KMT2A: variants seen among roughly 807,000 people sequenced by gnomAD.
The protein encoded by KMT2A is lysine methyltransferase 2A.
A neutral mutation model predicts 345.3 loss-of-function variants in KMT2A; 16 were observed. The ratio of observed to expected loss-of-function variants is 0.05; its 90% confidence interval spans 0.03 to 0.07. The LOEUF (loss-of-function observed/expected upper bound fraction) is 0.07, where lower values mean the gene tolerates loss of function less well. KMT2A is among the 10% of genes least tolerant of loss of function. The probability of loss-of-function intolerance (pLI) is 1.00; values close to 1 mark genes in which losing one functional copy is unlikely to be tolerated. For missense variants in KMT2A, 3,272 were observed against 4,841.6 expected, an observed-to-expected ratio of 0.68 and a Z score of 9.62; for synonymous variants, 1,599 against 1,778.6, an observed-to-expected ratio of 0.90 and a Z score of 2.54.
At chr11:118,501,935 T>C (rs1316804655) in intron 26 of KMT2A, 78 bp downstream of exon 26, 2 of 1,223,924 alleles carry the variant, frequency 1.6e-6, no homozygotes, top group Admixed American at 2.1e-5. Flanking sequence ...GGCAACTTTA[T>C]CTTGGTGACT....
At position 118,503,373 on chromosome 11, in the gene KMT2A, G is replaced by A. The variant is rs1169599580; in HGVS notation, c.7481G>A (p.Gly2494Asp). 17 of 1,613,944 alleles carry A rather than the reference G, an allele frequency of 1.1e-5. No homozygotes were observed. Among genetic ancestry groups the A allele is most frequent in the Non-Finnish European group, 1.3e-5 (15 of 1,180,008 alleles). The change falls in exon 27 of 36, where the codon GGC becomes GAC. Residue 2494 changes from glycine to aspartate, a missense_variant. Gly to Asp is a moderately conservative substitution (Grantham distance 94). Transcript: ENST00000534358. This position sits in a 1 kb window ranked among gnomAD's most constrained non-coding sequence, Gnocchi z 5.3. ...NVSSDKIGDK[G>D]LSMPGVPKAP... Reference sequence around the variant, plus strand: ...TCTTCTGATAAGATTGGTGATAAAGGCCTTTCTATGCCAGGAGTCCCCAAA... The same window carrying A: ...TCTTCTGATAAGATTGGTGATAAAGACCTTTCTATGCCAGGAGTCCCCAAA...
rs1950377357 is a variant in KMT2A, at chr11:118,494,747, G to A, written c.5343G>A (p.Glu1781=). Residue 1781 remains glutamate (E), a synonymous_variant, in exon 18 of 36, where the codon GAG becomes GAA. Coordinates refer to ENST00000534358, the MANE Select transcript of KMT2A (RefSeq NM_001197104.2). This position sits in a 1 kb window ranked among gnomAD's most constrained non-coding sequence, Gnocchi z 5.8. The part of the protein sequence containing the change: ...WFSVKKSRFW[E]PNKVSSNSGM... ...GTGTCAAAAAGTCCAGGTTTTGGGA[G>A]CCAAATAAAGTATCAAGCAAGTAAG... 1.2e-6 allele frequency: 2 copies of A among 1,613,778 alleles called. No homozygotes were observed. The highest frequency in any genetic ancestry group is 1.7e-6 in the Non-Finnish European group (2 of 1,179,740).
rs1385689425 is a variant in KMT2A at position 118,505,732 on chromosome 11, A to G, written c.9840A>G (p.Ser3280=). ...TAGATTTGGGGTCACTTAATACTTC[A>G]TCTCACCGAACTGTCCCCAACATCA... ...SLLDLGSLNT[S]SHRTVPNIIK... The change falls in exon 27 of 36, where the codon TCA becomes TCG. Residue 3280 remains serine (S), a synonymous_variant. Transcript: ENST00000534358. The surrounding 1 kb of genome is among the most constrained non-coding windows in gnomAD (Gnocchi z 4.6). The G allele has an allele frequency of 6.8e-6, 11 of 1,613,988 alleles. No homozygotes were observed. The Admixed American group carries it at 1.3e-4, about 20-fold the overall frequency.
At chr11:118,438,171 A>G (rs2134161004) in intron 1 of KMT2A, among the ~76,000 whole-genome samples, 1 of 152,108 alleles carries the variant, frequency 6.6e-6, no homozygotes, top group Non-Finnish European at 1.5e-5. Context: ...GATGGGAGAA[A>G]AAGGATTATC....
rs1950377570 is a variant in KMT2A, at chr11:118,494,754, A to C, written c.5350A>C (p.Lys1784Gln). Residue 1784 changes from lysine (K) to glutamine (Q), a missense_variant, in exon 18 of 36, where the codon AAA becomes CAA. This residue lies in a region of KMT2A where 235 missense variants were observed against 503.4 expected (regional missense o/e 0.47). Coordinates refer to ENST00000534358, the MANE Select transcript of KMT2A (RefSeq NM_001197104.2). This position sits in a 1 kb window ranked among gnomAD's most constrained non-coding sequence, Gnocchi z 5.8. Reference sequence around the variant, plus strand: ...AAAGTCCAGGTTTTGGGAGCCAAATAAAGTATCAAGCAAGTAAGTGAATTT... The same window carrying C: ...AAAGTCCAGGTTTTGGGAGCCAAATCAAGTATCAAGCAAGTAAGTGAATTT... The part of the protein sequence containing the change: ...VKKSRFWEPN[K>Q]VSSNSGMLPN... The C allele has an allele frequency of 6.2e-7, 1 of 1,613,612 alleles. No individual in the cohort carries two copies. Among genetic ancestry groups the C allele is most frequent in the Non-Finnish European group, 8.5e-7 (1 of 1,179,656 alleles).
chr11:118,448,250 T>TGTC (rs1383378469), intron 1 of KMT2A: 1 of 152,264 alleles, frequency 6.6e-6, no homozygotes, highest in Non-Finnish European at 1.5e-5. Flanking sequence ...GTAGCTTTTA[T>TGTC]GTCCATTTTC....
Position 118,455,127 on chromosome 11 carries a change from A to G in KMT2A, c.433-13648A>G, listed in dbSNP as rs565689196. 2.8e-3 allele frequency among the ~76,000 whole-genome samples: 424 copies of G among 152,238 alleles called. 2 individuals carry two copies. The highest frequency in any genetic ancestry group is 4.7e-3 in the Non-Finnish European group (318 of 68,006). On this transcript the variant is annotated intron_variant, in intron 1 of 35. Coordinates refer to ENST00000534358, the MANE Select transcript of KMT2A (RefSeq NM_001197104.2). Reference sequence around the variant, plus strand: ...TGCAGCCTCAAACTCTTGGGCTCACATGAACCTCCTGCCTCAGCCTTCCTG... The same window carrying G: ...TGCAGCCTCAAACTCTTGGGCTCACGTGAACCTCCTGCCTCAGCCTTCCTG...
chr11:118,521,052 G>A lies in KMT2A; in HGVS notation c.11513+167G>A. 1.5e-6 allele frequency: 1 copy of A among 655,376 alleles called. No individual in the cohort carries two copies. The highest frequency in any genetic ancestry group is 3.6e-4 in the Middle Eastern group (1 of 2,780). 40.6% of individuals were successfully genotyped at this position (655,376 alleles called of 1,614,324 possible). On this transcript the variant is annotated intron_variant, in intron 34 of 35. Coordinates refer to ENST00000534358, the MANE Select transcript of KMT2A (RefSeq NM_001197104.2). The surrounding 1 kb of genome is among the most constrained non-coding windows in gnomAD (Gnocchi z 5.3). ...TCCTGCACCTCCTTGTGTTGAACAA[G>A]GACTTTAACATAATAAGCATTAAAA...
intron 30 of KMT2A, among the ~76,000 whole-genome samples, chr11:118,511,326 A>C (rs1004214647): frequency 6.6e-6 from 1 of 152,206 alleles, no homozygotes; most frequent in Admixed American, 6.5e-5. Context: ...AGATGACCCT[A>C]AAGATTCAGG....
In KMT2A at chr11:118,490,046, A is replaced by T; in HGVS notation, c.4576-83A>T. 6.8e-7 allele frequency: 1 copy of T among 1,469,440 alleles called. No homozygotes were observed. The highest frequency in any genetic ancestry group is 9.3e-7 in the Non-Finnish European group (1 of 1,078,702). The allele number at this position is 1,469,440 out of a possible 1,614,324, so 91.0% of individuals were successfully genotyped here. On this transcript the variant is annotated intron_variant, in intron 12 of 35. Coordinates refer to ENST00000534358, the MANE Select transcript of KMT2A (RefSeq NM_001197104.2). This position sits in a 1 kb window ranked among gnomAD's most constrained non-coding sequence, Gnocchi z 4.2. Reference sequence around the variant, plus strand: ...CTCAGCAGAGAAATTAAATCTATAAATGGATGCATTTAAGATCTTTTTAGT... The same window carrying T: ...CTCAGCAGAGAAATTAAATCTATAATTGGATGCATTTAAGATCTTTTTAGT...
At chr11:118,446,906 A>G (rs1949433383) in intron 1 of KMT2A, among the ~76,000 whole-genome samples, 2 of 152,226 alleles carry the variant, frequency 1.3e-5, no homozygotes, top group South Asian at 2.1e-4. Flanking sequence ...TGTCTCCTGA[A>G]TGTACATCGT....
In KMT2A at chr11:118,472,496, C is replaced by T. The variant is rs1378747097; in HGVS notation, c.1337C>T (p.Thr446Ile). ...PPIKIARLES[T>I]PNSRFSAPSC... ...ATTAAAATTGCCCGATTAGAGTCTACACCGAATAGTAGATTCAGTGCCCCG... is the reference window on the plus strand; with the variant it reads ...ATTAAAATTGCCCGATTAGAGTCTATACCGAATAGTAGATTCAGTGCCCCG... Residue 446 changes from threonine to isoleucine, a missense_variant, in exon 3 of 36, where the codon ACA (threonine) becomes ATA (isoleucine). Thr to Ile is a moderately conservative substitution (Grantham distance 89, BLOSUM62 -1). Transcript: ENST00000534358. The T allele has an allele frequency of 7.4e-6, 12 of 1,613,474 alleles. No individual in the cohort carries two copies. The highest frequency in any genetic ancestry group is 4.0e-5 in the African/African-American group (3 of 74,690).
In KMT2A at chr11:118,471,674, C is replaced by G. The variant is rs2134257091; in HGVS notation, c.515C>G (p.Pro172Arg). Residue 172 changes from proline to arginine, a missense_variant, in exon 3 of 36, where the codon CCT becomes CGT. Pro to Arg is a moderately radical substitution (Grantham distance 103). This residue lies in a region of KMT2A where 412 missense variants were observed against 511.0 expected (regional missense o/e 0.81). Transcript: ENST00000534358. ...TTTCTATACACAGTTAAAACTAGTC[C>G]TCGAAAACCTCGTGGGAGACCTAGA... Reference protein sequence around the residue: ...PTRSPSVKTSPRKPRGRPRSG... With the variant: ...PTRSPSVKTSRRKPRGRPRSG... 2 of 1,581,380 alleles carry G rather than the reference C, an allele frequency of 1.3e-6. No individual in the cohort carries two copies. The highest frequency in any genetic ancestry group is 1.7e-6 in the Non-Finnish European group (2 of 1,169,898).
chr11:118,447,702 G>A (rs1949450628), intron 1 of KMT2A: 1 of 448,668 alleles, frequency 2.2e-6, no homozygotes, highest in African/African-American at 2.0e-5. Context: ...ATGATTGGAA[G>A]TCAGTCCTAT....
chr11:118,512,338 T>C (rs536038552), intron 31 of KMT2A: 1 of 366,252 alleles, frequency 2.7e-6, no homozygotes, highest in African/African-American at 2.1e-5. Context: ...TCTGTCTCTA[T>C]GTATTTGATT....
At position 118,476,896 on chromosome 11, in the gene KMT2A, G is replaced by A. The variant is rs2134282557; in HGVS notation, c.3248G>A (p.Arg1083Gln). Residue 1083 changes from arginine to glutamine, a missense_variant, in exon 4 of 36, where the codon CGA becomes CAA. By Grantham distance (43) the Arg-to-Gln change is conservative (BLOSUM62 1). Coordinates refer to ENST00000534358, the MANE Select transcript of KMT2A (RefSeq NM_001197104.2). The surrounding 1 kb of genome is among the most constrained non-coding windows in gnomAD (Gnocchi z 4.1). ...RRAAVALGRK[R>Q]AVFPDDMPTL... ...GCAGCTGTTGCCCTTGGCCGAAAAC[G>A]AGCTGTGTTTCCTGATGACATGCCC... 1.9e-6 allele frequency: 3 copies of A among 1,614,186 alleles called. No individual in the cohort carries two copies. Among genetic ancestry groups the A allele is most frequent in the Non-Finnish European group, 2.5e-6 (3 of 1,180,032 alleles).
At chr11:118,452,779 G>A (rs782519433) in intron 1 of KMT2A, among the ~76,000 whole-genome samples, 26 of 152,002 alleles carry the variant, frequency 1.7e-4, no homozygotes, top group East Asian at 7.8e-4. Context: ...GATTACAGGC[G>A]CCCACCACCA....
In KMT2A at chr11:118,505,053, C is replaced by G; in HGVS notation, c.9161C>G (p.Thr3054Ser). 6.2e-7 allele frequency: 1 copy of G among 1,614,168 alleles called. No individual in the cohort carries two copies. Among genetic ancestry groups the G allele is most frequent in the Non-Finnish European group, 8.5e-7 (1 of 1,180,024 alleles). Residue 3054 changes from threonine (T) to serine (S), a missense_variant, in exon 27 of 36, where the codon ACT (threonine) becomes AGT (serine). By Grantham distance (58) the Thr-to-Ser change is moderately conservative (BLOSUM62 1). This residue lies in a region of KMT2A where 748 missense variants were observed against 922.2 expected (regional missense o/e 0.81). Transcript: ENST00000534358. The surrounding 1 kb of genome is among the most constrained non-coding windows in gnomAD (Gnocchi z 4.6). ...AACCAGAAGTATGTGCCCAATTCTACTGATAGTCCTGGCCCGTCTCAGATT... is the reference window on the plus strand; with the variant it reads ...AACCAGAAGTATGTGCCCAATTCTAGTGATAGTCCTGGCCCGTCTCAGATT... ...IQNQKYVPNS[T>S]DSPGPSQISN...
At position 118,496,293 on chromosome 11, in the gene KMT2A, C is replaced by T; in HGVS notation, c.5590C>T (p.Leu1864=). 1 of 1,613,808 alleles carries T rather than the reference C, an allele frequency of 6.2e-7. No individual in the cohort carries two copies. Among genetic ancestry groups the T allele is most frequent in the South Asian group, 1.1e-5 (1 of 91,074 alleles). ...TDRSREDSPE[L]NPPPGIEDNR... ...TAGGAGTCGAGAAGACAGTCCAGAG[C>T]TGAACCCACCCCCAGGCATAGAAGA... The change falls in exon 20 of 36, where the codon CTG becomes TTG. Residue 1864 remains leucine (L), a synonymous_variant. Transcript: ENST00000534358. This position sits in a 1 kb window ranked among gnomAD's most constrained non-coding sequence, Gnocchi z 4.7.
Sources: allele counts gnomAD v4.1 joint callset (sites outside exome capture counted in the v4.1 genomes callset), GRCh38; gene constraint gnomAD v4.1.1; regional missense constraint gnomAD v4.1.1; non-coding constraint Gnocchi (gnomAD v3.1); transcripts MANE v1.5; gene names NCBI Gene and HGNC (gene_info 2026-07-23, HGNC 2026-07-21).